Variants in FRMPD1 observed in about 807,000 individuals in gnomAD.
FRMPD1 encodes the protein FERM and PDZ domain containing 1, also known as FERM and PDZ domain-containing protein 1.
In FRMPD1, 76 loss-of-function variants were observed where a neutral mutation model predicts 117.8. That is an observed-to-expected ratio of 0.65 (90% CI 0.54 to 0.78). The LOEUF (loss-of-function observed/expected upper bound fraction) is 0.78, where lower values mean the gene tolerates loss of function less well. Ranked by LOEUF, FRMPD1 falls within the 30% of genes least tolerant of loss-of-function variation. The pLI is 0.00. For synonymous variants in FRMPD1, 783 were observed against 770.4 expected (o/e 1.02, Z -0.27); for missense variants, 1,786 against 1,964.5 (o/e 0.91, Z 1.72).
chr9:37,639,260 C>CA, the FRMPD1 span, among the ~76,000 whole-genome samples: 1 of 151,974 alleles, frequency 6.6e-6, no homozygotes, highest in Non-Finnish European at 1.5e-5. Context: ...TTTATCACAG[C>CA]GACTAACAAA....
Position 37,740,090 on chromosome 9 carries a change from G to C in FRMPD1, c.1562G>C (p.Arg521Thr). ...RVSAEEGYES[R>T]ACSDSEESSE... ...CCCTGTGTTGCAGGCTATGAATCCA[G>C]GGCCTGCAGTGACTCAGAGGAGTCC... The change falls in exon 15 of 16, where the codon AGG becomes ACG. Residue 521 changes from arginine to threonine, a missense_variant. Coordinates refer to ENST00000377765, the MANE Select transcript of FRMPD1 (RefSeq NM_014907.3). This position sits in a 1 kb window ranked among gnomAD's most constrained non-coding sequence, Gnocchi z 4.2. 1.3e-6 allele frequency: 2 copies of C among 1,599,112 alleles called. No individual in the cohort carries two copies. The highest frequency in any genetic ancestry group is 1.7e-6 in the Non-Finnish European group (2 of 1,172,188).
intron 2 of FRMPD1, among the ~76,000 whole-genome samples, chr9:37,694,331 C>T (rs117071152): frequency 0.01 from 1,590 of 152,298 alleles, 51 homozygotes; most frequent in Admixed American, 0.07. Flanking sequence ...TGAGAAGTCT[C>T]GCAGAGAAAG....
At chr9:37,660,083 G>A (rs574838432) in intron 1 of FRMPD1, among the ~76,000 whole-genome samples, 5 of 152,128 alleles carry the variant, frequency 3.3e-5, no homozygotes, top group Admixed American at 2.0e-4. Context: ...ATTCCTGTCC[G>A]ACGGCATCCT....
At chr9:37,609,249 G>A in the FRMPD1 span, among the ~76,000 whole-genome samples, 568 of 151,198 alleles carry the variant, frequency 3.8e-3, 3 homozygotes, top group African/African-American at 0.013. Flanking sequence ...CCCAGATCAC[G>A]CCATTGCACT....
At position 37,711,392 on chromosome 9, in the gene FRMPD1, G is replaced by A. The variant is rs369822489; in HGVS notation, c.405G>A (p.Thr135=). ...DSLSITVVRC[T]SGVPKSSFLT... ...TTTCAATCACAGTTGTTCGCTGCAC[G>A]TCGGTAAATCTCTTTCTATGTCCTG... The change falls in exon 5 of 16, where the codon ACG becomes ACA. Residue 135 remains threonine (T), a synonymous_variant. Coordinates refer to ENST00000377765, the MANE Select transcript of FRMPD1 (RefSeq NM_014907.3). 1.2e-5 allele frequency: 19 copies of A among 1,605,972 alleles called. No individual in the cohort carries two copies. Among genetic ancestry groups the A allele is most frequent in the African/African-American group, 5.3e-5 (4 of 74,778 alleles).
At chr9:37,630,263 T>C in the FRMPD1 span, among the ~76,000 whole-genome samples, 1 of 152,234 alleles carries the variant, frequency 6.6e-6, no homozygotes, top group African/African-American at 2.4e-5. Flanking sequence ...GAATATGTCT[T>C]ACAATTGATA....
In FRMPD1 at chr9:37,746,571, C is replaced by T. The variant is rs1186542644; in HGVS notation, c.4539C>T (p.Cys1513=). The change falls in exon 16 of 16, where the codon TGC becomes TGT. Residue 1513 remains cysteine, a synonymous_variant. Transcript: ENST00000377765. ...TTCAGTTCACAGACTGTAGCCGCTG[C>T]TCCGCCCGGCACAGGGAGGCAGCGG... ...LCFQFTDCSR[C]SARHREAAGN... 5.6e-6 allele frequency: 9 copies of T among 1,613,626 alleles called. No homozygotes were observed. The highest frequency in any genetic ancestry group is 7.6e-6 in the Non-Finnish European group (9 of 1,179,968).
the FRMPD1 span, among the ~76,000 whole-genome samples, chr9:37,620,834 A>T: frequency 6.6e-6 from 1 of 152,076 alleles, no homozygotes; most frequent in East Asian, 1.9e-4. Context: ...CTTTACTATA[A>T]TATTTTATTG....
chr9:37,719,393 A>G (rs911200958), intron 6 of FRMPD1, among the ~76,000 whole-genome samples: 7 of 152,222 alleles, frequency 4.6e-5, no homozygotes, highest in Non-Finnish European at 1.0e-4. Flanking sequence ...TGGGAAGAAG[A>G]GCACTGGGTT....
Position 37,729,718 on chromosome 9 carries a change from T to G in FRMPD1, c.613-10T>G. ...CTTGCGTAACTCCTGCACCTCTCTG[T>G]GCCTGCTAGGACATCATCCTCACCG... On this transcript the variant is annotated splice_polypyrimidine_tract_variant and intron_variant, in intron 7 of 15. Transcript: ENST00000377765. 1 of 1,613,532 alleles carries G rather than the reference T, an allele frequency of 6.2e-7. No homozygotes were observed.
the FRMPD1 span, among the ~76,000 whole-genome samples, chr9:37,638,403 G>A: frequency 6.6e-6 from 1 of 152,230 alleles, no homozygotes; most frequent in South Asian, 2.1e-4. Flanking sequence ...AAGGACTTGC[G>A]TTATGGGTAG....
At chr9:37,616,892 G>T in the FRMPD1 span, among the ~76,000 whole-genome samples, 2 of 152,240 alleles carry the variant, frequency 1.3e-5, no homozygotes, top group East Asian at 3.9e-4. Context: ...TGTTCCTGGG[G>T]TATATTACCA....
Position 37,719,072 on chromosome 9 carries a change from G to A in FRMPD1, c.412G>A (p.Val138Ile), listed in dbSNP as rs1372497861. The A allele has an allele frequency of 1.3e-6, 2 of 1,592,770 alleles. No homozygotes were observed. The highest frequency in any genetic ancestry group is 3.3e-5 in the Admixed American group (2 of 59,974). ...SITVVRCTSG[V>I]PKSSFLTEEK... ...GCATCATGTTACTGTTTTTCAGGGA[G>A]TCCCTAAATCGTCCTTCCTGACCGA... The change falls in exon 6 of 16, where the codon GTC becomes ATC. Residue 138 changes from valine to isoleucine, a missense_variant. Coordinates refer to ENST00000377765, the MANE Select transcript of FRMPD1 (RefSeq NM_014907.3).
intron 1 of FRMPD1, among the ~76,000 whole-genome samples, chr9:37,666,113 G>A (rs968097736): frequency 1.3e-5 from 2 of 152,120 alleles, no homozygotes; most frequent in East Asian, 1.9e-4. Flanking sequence ...CCTGGTCTCC[G>A]TGTGGGGCAG....
chr9:37,632,498 TTCTC>T, the FRMPD1 span, among the ~76,000 whole-genome samples: 1 of 152,218 alleles, frequency 6.6e-6, no homozygotes, highest in Non-Finnish European at 1.5e-5. Flanking sequence ...AGCTTTCTCT[TTCTC>T]TATCTCAGTT....
At chr9:37,718,703 C>T (rs970192620) in intron 5 of FRMPD1, among the ~76,000 whole-genome samples, 1 of 152,204 alleles carries the variant, frequency 6.6e-6, no homozygotes, top group African/African-American at 2.4e-5. Context: ...GTGCTTTACA[C>T]ACGTACCTGG....
At chr9:37,625,774 G>A in the FRMPD1 span, among the ~76,000 whole-genome samples, 26 of 152,346 alleles carry the variant, frequency 1.7e-4, no homozygotes, top group African/African-American at 5.5e-4. Context: ...AGGGGGTGGA[G>A]TGGTGCATCT....
rs1396903920 is a variant in FRMPD1 at position 37,666,056 on chromosome 9, G to A, written c.-5+14962G>A. ...TGAGCATTTCAGACATTACCTCATC[G>A]TTAATTTTCACAGTGTTCTTGGGTG... On this transcript the variant is annotated intron_variant, in intron 1 of 15. Coordinates refer to ENST00000377765, the MANE Select transcript of FRMPD1 (RefSeq NM_014907.3). Among the ~76,000 whole-genome samples the A allele has an allele frequency of 3.9e-5, 6 of 152,112 alleles. No individual in the cohort carries two copies. The East Asian group carries it at 5.8e-4, about 15-fold the overall frequency.
At chr9:37,651,294 A>G (rs1032929428) in intron 1 of FRMPD1, among the ~76,000 whole-genome samples, 200 bp downstream of exon 1, 1 of 152,136 alleles carries the variant, frequency 6.6e-6, no homozygotes, top group South Asian at 2.1e-4. Flanking sequence ...GCCATCGTGA[A>G]CTGTTTGCAC....
Sources: gnomAD v4.1 joint callset for allele counts (sites outside exome capture counted in the v4.1 genomes callset) on GRCh38, gnomAD v4.1.1 for gene constraint, Gnocchi (gnomAD v3.1) non-coding constraint, MANE v1.5 for transcripts, NCBI Gene and HGNC (gene_info 2026-07-23, HGNC 2026-07-21) for gene names.